Variants in CFAP77 observed in about 807,000 individuals in gnomAD.
CFAP77 encodes cilia and flagella associated protein 77, also known as cilia- and flagella-associated protein 77.
Under a neutral mutation model 31.1 loss-of-function variants are expected in CFAP77, and 25 were observed. The ratio of observed to expected loss-of-function variants is 0.80; its 90% CI spans 0.59 to 1.12. The LOEUF (loss-of-function observed/expected upper bound fraction) is 1.12, where lower values mean the gene tolerates loss of function less well. Among genes scored for constraint, CFAP77 ranks in the 50% most tolerant of loss-of-function variants. The probability of loss-of-function intolerance (pLI) is 0.00; values close to 1 mark genes in which losing one functional copy is unlikely to be tolerated. For synonymous variants in CFAP77, 151 were observed against 159.9 expected, an observed-to-expected ratio of 0.94 and a Z score of 0.42; for missense variants, 377 against 397.3, an observed-to-expected ratio of 0.95 and a Z score of 0.44.
intron 1 of CFAP77, among the ~76,000 whole-genome samples, chr9:132,447,688 C>T (rs1314607783): frequency 3.3e-5 from 5 of 152,216 alleles, no homozygotes; most frequent in Non-Finnish European, 5.9e-5. Context: ...CTGCTGACAG[C>T]GGCAAACGCG....
chr9:132,523,548 A>G (rs1852306540), intron 3 of CFAP77, among the ~76,000 whole-genome samples: 1 of 152,124 alleles, frequency 6.6e-6, no homozygotes, highest in Admixed American at 6.6e-5. Flanking sequence ...ATAATATTTC[A>G]TCATGAAGGC....
At chr9:132,442,091 T>C (rs374075702) in intron 1 of CFAP77, among the ~76,000 whole-genome samples, 2 of 152,296 alleles carry the variant, frequency 1.3e-5, no homozygotes, top group East Asian at 3.9e-4. Flanking sequence ...GTACTAGGAA[T>C]ACAGGCGGTA....
intron 1 of CFAP77, among the ~76,000 whole-genome samples, chr9:132,492,855 C>T (rs1851672569): frequency 6.6e-6 from 1 of 152,184 alleles, no homozygotes; most frequent in South Asian, 2.1e-4. Flanking sequence ...CAAAGGGACT[C>T]TGAGACACAC....
intron 1 of CFAP77, among the ~76,000 whole-genome samples, chr9:132,461,119 G>A (rs905764112): frequency 3.9e-5 from 6 of 152,274 alleles, no homozygotes; most frequent in South Asian, 4.1e-4. Context: ...AAAGCCCTCC[G>A]CACAGTGCCT....
chr9:132,448,625 T>C lies in CFAP77; in HGVS notation c.195+38159T>C, dbSNP rs565447370. Reference sequence around the variant, plus strand: ...TTTTGAGACAGAGTTTCGCTCTTGTTGCCCAGGCTGGAGTGCAATGGTGCA... The same window carrying C: ...TTTTGAGACAGAGTTTCGCTCTTGTCGCCCAGGCTGGAGTGCAATGGTGCA... On this transcript the variant is annotated intron_variant, in intron 1 of 5. Coordinates refer to ENST00000393216, the MANE Select transcript of CFAP77 (RefSeq NM_001282957.2). Among the ~76,000 whole-genome samples, 18 of 152,292 alleles carry C rather than the reference T, an allele frequency of 1.2e-4. No homozygotes were observed. In the East Asian group the frequency reaches 3.3e-3, roughly 28 times the overall value.
At chr9:132,507,304 G>A (rs1448362228) in intron 3 of CFAP77, among the ~76,000 whole-genome samples, 1 of 152,162 alleles carries the variant, frequency 6.6e-6, no homozygotes, top group East Asian at 1.9e-4. Context: ...TGGCCACATT[G>A]GGGTCCAGAT....
rs28453692 is a variant in CFAP77, at chr9:132,502,865, T to C, written c.524+3265T>C. ...CAGGTGGTAATCGTGTTTTAAGTTT[T>C]TGGGGACCCGCCACACTGCTGTCCA... On this transcript the variant is annotated intron_variant, in intron 3 of 5. Coordinates refer to ENST00000393216, the MANE Select transcript of CFAP77 (RefSeq NM_001282957.2). 4.7e-3 allele frequency among the ~76,000 whole-genome samples: 720 copies of C among 152,326 alleles called. 5 individuals are homozygous for C. Among genetic ancestry groups the C allele is most frequent in the African/African-American group, 0.015 (640 of 41,582 alleles).
intron 1 of CFAP77, among the ~76,000 whole-genome samples, chr9:132,459,734 ATG>A (rs1245756414): frequency 5.1e-5 from 7 of 136,280 alleles, no homozygotes; most frequent in Admixed American, 1.4e-4. Context: ...GTATGTGTAT[ATG>A]TGTGTGAGTG....
chr9:132,412,662 A>G (rs1182683048), intron 1 of CFAP77, among the ~76,000 whole-genome samples: 1 of 151,302 alleles, frequency 6.6e-6, no homozygotes, highest in East Asian at 1.9e-4. Flanking sequence ...AGGTTTTGGC[A>G]GAGATTGGGT....
At chr9:132,542,735 C>G (rs1454322137) in intron 4 of CFAP77, among the ~76,000 whole-genome samples, 4 of 152,142 alleles carry the variant, frequency 2.6e-5, no homozygotes, top group Admixed American at 6.5e-5. Context: ...GTCCCACCCC[C>G]CCTCCCCCAG....
intron 5 of CFAP77, among the ~76,000 whole-genome samples, chr9:132,553,200 C>T (rs115696127): frequency 0.011 from 1,647 of 152,230 alleles, 40 homozygotes; most frequent in African/African-American, 0.037. Flanking sequence ...CTTATAAGGA[C>T]GCTAATCCTA....
At chr9:132,412,955 G>A (rs1850035684) in intron 1 of CFAP77, among the ~76,000 whole-genome samples, 2 of 152,128 alleles carry the variant, frequency 1.3e-5, no homozygotes, top group Admixed American at 1.3e-4. Context: ...TTTCCGCTAT[G>A]TATGGTAGAG....
chr9:132,487,758 A>T (rs1411591925), intron 1 of CFAP77, among the ~76,000 whole-genome samples: 1 of 151,834 alleles, frequency 6.6e-6, no homozygotes, highest in African/African-American at 2.4e-5. Flanking sequence ...TGACACTCAC[A>T]CAATGCACAG....
At chr9:132,531,968 T>C (rs1852461068) in intron 3 of CFAP77, among the ~76,000 whole-genome samples, 2 of 152,182 alleles carry the variant, frequency 1.3e-5, no homozygotes, top group Non-Finnish European at 2.9e-5. Context: ...AGCTTTTCTG[T>C]TGTGAACGGT....
intron 1 of CFAP77, among the ~76,000 whole-genome samples, chr9:132,422,684 A>T (rs1050607051): frequency 3.3e-5 from 5 of 152,162 alleles, no homozygotes; most frequent in Non-Finnish European, 7.4e-5. Context: ...AGGAAGTCAG[A>T]GGCCAGGGAC....
intron 5 of CFAP77, among the ~76,000 whole-genome samples, chr9:132,555,707 G>A (rs1852892193): frequency 6.6e-6 from 1 of 152,088 alleles, no homozygotes; most frequent in African/African-American, 2.4e-5. Flanking sequence ...GGAGGCTTAG[G>A]AAGGGATCAG....
intron 5 of CFAP77, among the ~76,000 whole-genome samples, chr9:132,562,775 C>G (rs1829832145): frequency 6.6e-6 from 1 of 152,044 alleles, no homozygotes; most frequent in Non-Finnish European, 1.5e-5. Context: ...TCTCAGCTCA[C>G]TGCAACCTCC....
intron 5 of CFAP77, among the ~76,000 whole-genome samples, chr9:132,560,210 C>T (rs1852971352): frequency 6.6e-6 from 1 of 152,076 alleles, no homozygotes; most frequent in Non-Finnish European, 1.5e-5. Context: ...AAAAATAGCC[C>T]AGTTGGATGA....
intron 1 of CFAP77, among the ~76,000 whole-genome samples, chr9:132,456,446 C>G (rs1850915298): frequency 6.6e-6 from 1 of 152,212 alleles, no homozygotes; most frequent in Non-Finnish European, 1.5e-5. Flanking sequence ...GGCATGCGGT[C>G]AGACTCCAGA....
Sources: gnomAD v4.1 joint callset for allele counts (sites outside exome capture counted in the v4.1 genomes callset) on GRCh38, gnomAD v4.1.1 for gene constraint, MANE v1.5 for transcripts, NCBI Gene and HGNC (gene_info 2026-07-23, HGNC 2026-07-21) for gene names.